NXPH1: variants seen among roughly 807,000 people sequenced by gnomAD.
NXPH1 encodes neurexophilin-1.
A neutral mutation model predicts 23.7 loss-of-function variants in NXPH1; 5 were observed. The ratio of observed to expected loss-of-function variants is 0.21; its 90% CI spans 0.11 to 0.44. The LOEUF is 0.44. Ranked by LOEUF, NXPH1 falls within the 20% of genes least tolerant of loss-of-function variation. NXPH1 has a pLI of 0.99. For synonymous variants in NXPH1, 144 were observed against 122.2 expected, an observed-to-expected ratio of 1.18 and a Z score of -1.18; for missense variants, 324 against 321.6, an observed-to-expected ratio of 1.01 and a Z score of -0.06.
chr7:8,516,495 A>T (rs1817690104), intron 2 of NXPH1, among the ~76,000 whole-genome samples: 2 of 152,146 alleles, frequency 1.3e-5, no homozygotes, highest in South Asian at 4.1e-4. Flanking sequence ...GTTTTGTATG[A>T]AATGTCATTT....
At chr7:8,701,399 T>C (rs1384021018) in intron 2 of NXPH1, among the ~76,000 whole-genome samples, 1 of 152,106 alleles carries the variant, frequency 6.6e-6, no homozygotes, top group Non-Finnish European at 1.5e-5. Flanking sequence ...TCATCTCCTG[T>C]GGCTGCCTGT....
At chr7:8,445,045 T>A (rs1402159874) in intron 2 of NXPH1, among the ~76,000 whole-genome samples, 1 of 152,234 alleles carries the variant, frequency 6.6e-6, no homozygotes, top group East Asian at 1.9e-4. Flanking sequence ...CCTCTTCATT[T>A]TTAGAGGCTT....
rs1345059509 is a variant in NXPH1 at position 8,618,516 on chromosome 7, C to T, written c.55-132492C>T. 2.6e-5 allele frequency among the ~76,000 whole-genome samples: 4 copies of T among 152,156 alleles called. No homozygotes were observed. In the East Asian group the frequency reaches 5.8e-4, roughly 22 times the overall value. ...AGCACTTTCACATACATTTTTCCTT[C>T]ATACTCTTTATGTGCTTGTATTGGC... On this transcript the variant is annotated intron_variant, in intron 2 of 2. Coordinates refer to ENST00000405863, the MANE Select transcript of NXPH1 (RefSeq NM_152745.3).
chr7:8,730,996 G>A (rs1320777230), intron 2 of NXPH1, among the ~76,000 whole-genome samples: 1 of 144,992 alleles, frequency 6.9e-6, no homozygotes, highest in African/African-American at 2.6e-5. Flanking sequence ...CGTAGATTTG[G>A]TCTTTTCACA....
At chr7:8,549,107 C>G (rs941428389) in intron 2 of NXPH1, among the ~76,000 whole-genome samples, 1 of 151,524 alleles carries the variant, frequency 6.6e-6, no homozygotes, top group African/African-American at 2.4e-5. Flanking sequence ...AAGTTGGTTT[C>G]TTTCTTTCTC....
intron 2 of NXPH1, among the ~76,000 whole-genome samples, chr7:8,745,719 ATTTTTTTT>A (rs56019801): frequency 1.8e-5 from 2 of 111,846 alleles, no homozygotes; most frequent in African/African-American, 3.5e-5. Context: ...CGCCCAGCTA[ATTTTTTTT>A]TTTTTTTTTT....
chr7:8,580,215 G>C (rs139035088), intron 2 of NXPH1, among the ~76,000 whole-genome samples: 1 of 152,104 alleles, frequency 6.6e-6, no homozygotes, highest in African/African-American at 2.4e-5. Context: ...TTTATATGCC[G>C]AATCAAGAAT....
chr7:8,706,487 T>A (rs1779709260), intron 2 of NXPH1, among the ~76,000 whole-genome samples: 1 of 152,204 alleles, frequency 6.6e-6, no homozygotes, highest in Non-Finnish European at 1.5e-5. Context: ...ACTTGAGTGA[T>A]CCGTTTGAAA....
intron 2 of NXPH1, among the ~76,000 whole-genome samples, chr7:8,558,139 G>C (rs1485002390): frequency 6.6e-6 from 1 of 151,654 alleles, no homozygotes; most frequent in African/African-American, 2.4e-5. Flanking sequence ...GAAACATTTT[G>C]ATTTTAAATT....
intron 2 of NXPH1, among the ~76,000 whole-genome samples, chr7:8,679,954 G>A (rs1305032701): frequency 1.3e-5 from 2 of 152,260 alleles, no homozygotes; most frequent in Non-Finnish European, 2.9e-5. Context: ...CCAGGAGGCT[G>A]AGGTTGCAGT....
At chr7:8,750,772 A>G (rs1780549743) in intron 2 of NXPH1, among the ~76,000 whole-genome samples, 1 of 152,108 alleles carries the variant, frequency 6.6e-6, no homozygotes, top group Non-Finnish European at 1.5e-5. Context: ...GTGTTTTATC[A>G]CATATTAAAA....
At chr7:8,444,559 G>A (rs1223122232) in intron 2 of NXPH1, among the ~76,000 whole-genome samples, 1 of 152,188 alleles carries the variant, frequency 6.6e-6, no homozygotes, top group Non-Finnish European at 1.5e-5. Context: ...CTCAGAAGTT[G>A]CCTGATGCCC....
At chr7:8,472,994 C>G (rs1816893247) in intron 2 of NXPH1, among the ~76,000 whole-genome samples, 2 of 152,148 alleles carry the variant, frequency 1.3e-5, no homozygotes, top group African/African-American at 4.8e-5. Context: ...GTGGGCCTTC[C>G]ATAAGAGGCA....
At chr7:8,541,088 G>A (rs1349703412) in intron 2 of NXPH1, among the ~76,000 whole-genome samples, 1 of 151,686 alleles carries the variant, frequency 6.6e-6, no homozygotes, top group Non-Finnish European at 1.5e-5. Context: ...CTAATGAGGA[G>A]AAAAATCAAA....
Position 8,514,564 on chromosome 7 carries a change from A to G in NXPH1, c.54+78797A>G, listed in dbSNP as rs115112292. On this transcript the variant is annotated intron_variant, in intron 2 of 2. Coordinates refer to ENST00000405863, the MANE Select transcript of NXPH1 (RefSeq NM_152745.3). ...ACCTCAGGATGGTAGATAAAACTTC[A>G]TATCCCCCATGTGCTGTGTGTGTCA... Among the ~76,000 whole-genome samples, 635 of 152,236 alleles carry G rather than the reference A, an allele frequency of 4.2e-3. 7 individuals carry two copies. The highest frequency in any genetic ancestry group is 0.015 in the African/African-American group (618 of 41,570).
intron 2 of NXPH1, among the ~76,000 whole-genome samples, chr7:8,716,222 C>A (rs561334636): frequency 6.6e-6 from 1 of 152,270 alleles, no homozygotes; most frequent in East Asian, 1.9e-4. Context: ...ACATCTTACT[C>A]TTTTTTATAT....
chr7:8,456,867 G>A (rs928161380), intron 2 of NXPH1, among the ~76,000 whole-genome samples: 10 of 152,096 alleles, frequency 6.6e-5, no homozygotes, highest in Admixed American at 1.3e-4. Context: ...TGTGTTTTAA[G>A]TTTATTCCTT....
chr7:8,735,033 C>A, intron 2 of NXPH1, among the ~76,000 whole-genome samples: 1 of 152,216 alleles, frequency 6.6e-6, no homozygotes, highest in East Asian at 1.9e-4. Context: ...AGCTTAAGGA[C>A]ATTTTGGGCT....
intron 2 of NXPH1, among the ~76,000 whole-genome samples, chr7:8,719,558 T>C (rs1779931968): frequency 6.6e-6 from 1 of 152,178 alleles, no homozygotes; most frequent in African/African-American, 2.4e-5. Context: ...ATGAAAATTA[T>C]ATTATATTTG....
Sources: allele counts gnomAD v4.1 joint callset (sites outside exome capture counted in the v4.1 genomes callset), GRCh38; gene constraint gnomAD v4.1.1; transcripts MANE v1.5; gene names NCBI Gene and HGNC (gene_info 2026-07-23, HGNC 2026-07-21).